Variants in TASP1 observed in about 807,000 individuals in gnomAD.
TASP1 encodes taspase 1, also known as threonine aspartase 1.
A neutral mutation model predicts 56.6 loss-of-function variants in TASP1; 16 were observed. The ratio of observed to expected loss-of-function variants is 0.28; its 90% CI spans 0.19 to 0.43. The LOEUF (loss-of-function observed/expected upper bound fraction) is 0.43. Ranked by LOEUF, TASP1 falls within the 20% of genes least tolerant of loss-of-function variation. The pLI, the probability that TASP1 is intolerant of heterozygous loss-of-function variation, is 1.00. For synonymous variants in TASP1, 179 were observed against 184.2 expected (o/e 0.97, Z 0.23); for missense variants, 393 against 511.6 (o/e 0.77, Z 2.24).
chr20:13,246,560 T>C, the TASP1 span, among the ~76,000 whole-genome samples: 3 of 152,324 alleles, frequency 2.0e-5, no homozygotes, highest in Non-Finnish European at 4.4e-5. Flanking sequence ...TGTCGTGCTT[T>C]CCAAAATGCC....
chr20:13,321,909 T>C, the TASP1 span, among the ~76,000 whole-genome samples: 2 of 152,190 alleles, frequency 1.3e-5, no homozygotes, highest in Non-Finnish European at 2.9e-5. Flanking sequence ...TATGTGACCT[T>C]GAGCAAGGTA....
the TASP1 span, among the ~76,000 whole-genome samples, chr20:13,262,248 C>G: frequency 2.0e-5 from 3 of 152,202 alleles, no homozygotes; most frequent in Non-Finnish European, 4.4e-5. Flanking sequence ...ATGGAAGCCC[C>G]CTGGTGGCCA....
chr20:13,243,336 G>A, the TASP1 span, among the ~76,000 whole-genome samples: 3 of 152,172 alleles, frequency 2.0e-5, no homozygotes, highest in Non-Finnish European at 4.4e-5. Context: ...GCTCAGAAGT[G>A]ACACACATCA....
the TASP1 span, among the ~76,000 whole-genome samples, chr20:13,268,309 T>TC: frequency 6.6e-6 from 1 of 150,758 alleles, no homozygotes; most frequent in South Asian, 2.1e-4. Flanking sequence ...TTCTCTTCTC[T>TC]TTTCTCTTCT....
intron 13 of TASP1, among the ~76,000 whole-genome samples, chr20:13,416,601 T>C (rs2042263416): frequency 6.6e-6 from 1 of 152,178 alleles, no homozygotes; most frequent in African/African-American, 2.4e-5. Context: ...ATATCAGAAG[T>C]TTTCCTATTT....
chr20:13,440,576 AAAT>A (rs150181951), intron 11 of TASP1, among the ~76,000 whole-genome samples: 5,617 of 152,156 alleles, frequency 0.037, 127 homozygotes, highest in African/African-American at 0.057. Flanking sequence ...ATTACCAAAA[AAAT>A]AATAAGACTT....
the TASP1 span, among the ~76,000 whole-genome samples, chr20:13,116,632 G>C: frequency 3.2e-4 from 49 of 152,170 alleles, no homozygotes; most frequent in East Asian, 8.7e-3. Context: ...AGGTTCTATC[G>C]TGTATCTGTC....
At chr20:13,567,167 A>G (rs1471523442) in intron 7 of TASP1, among the ~76,000 whole-genome samples, 3 of 152,176 alleles carry the variant, frequency 2.0e-5, no homozygotes, top group Non-Finnish European at 4.4e-5. Flanking sequence ...GCAAACTAAC[A>G]CAGGAACAAA....
the TASP1 span, among the ~76,000 whole-genome samples, chr20:13,178,236 T>C: frequency 6.6e-6 from 1 of 151,930 alleles, no homozygotes; most frequent in Non-Finnish European, 1.5e-5. Flanking sequence ...ATGACTGTTA[T>C]CAAAAAAACA....
At chr20:13,258,630 T>C in the TASP1 span, among the ~76,000 whole-genome samples, 1 of 152,120 alleles carries the variant, frequency 6.6e-6, no homozygotes, top group African/African-American at 2.4e-5. Flanking sequence ...TGAGAACTTG[T>C]GATTCTCTTT....
At chr20:13,119,982 C>T in the TASP1 span, among the ~76,000 whole-genome samples, 61,916 of 152,010 alleles carry the variant, frequency 0.41, 12,611 homozygotes, top group Admixed American at 0.43. Flanking sequence ...CTTATGTATC[C>T]GTTCCTTTGT....
chr20:13,110,054 G>A, the TASP1 span: 3 of 1,427,078 alleles, frequency 2.1e-6, no homozygotes, highest in Admixed American at 2.2e-5. Flanking sequence ...AAAAGAAAGT[G>A]GAAAAGGAAA....
chr20:13,526,650 C>T (rs1358207161), intron 10 of TASP1, among the ~76,000 whole-genome samples: 1 of 152,092 alleles, frequency 6.6e-6, no homozygotes, highest in East Asian at 1.9e-4. Context: ...AGGCCAATGG[C>T]TCAAAACCAT....
chr20:13,395,558 C>A (rs2041497046), intron 13 of TASP1, among the ~76,000 whole-genome samples: 1 of 152,150 alleles, frequency 6.6e-6, no homozygotes, highest in African/African-American at 2.4e-5. Flanking sequence ...TTAAGCTTCT[C>A]TTCTGTATTT....
chr20:13,134,223 G>A, the TASP1 span, among the ~76,000 whole-genome samples: 31 of 152,144 alleles, frequency 2.0e-4, no homozygotes, highest in Admixed American at 1.1e-3. Context: ...CAGTTATGTC[G>A]TGATGCAGAT....
At chr20:13,320,378 C>T in the TASP1 span, among the ~76,000 whole-genome samples, 1 of 151,988 alleles carries the variant, frequency 6.6e-6, no homozygotes, top group South Asian at 2.1e-4. Flanking sequence ...TCACACTGTG[C>T]TTGCAAACCA....
intron 11 of TASP1, among the ~76,000 whole-genome samples, chr20:13,470,646 C>T (rs2044453957): frequency 6.6e-6 from 1 of 152,146 alleles, no homozygotes; most frequent in African/African-American, 2.4e-5. Context: ...GCAAGGTATA[C>T]ATTTGTGTAC....
chr20:13,244,006 T>C, the TASP1 span: 1 of 152,216 alleles, frequency 6.6e-6, no homozygotes, highest in Non-Finnish European at 1.5e-5. Context: ...GTTTGTCTAT[T>C]ACCACATCTC....
chr20:13,132,483 T>G, the TASP1 span, among the ~76,000 whole-genome samples: 1 of 152,134 alleles, frequency 6.6e-6, no homozygotes, highest in Admixed American at 6.5e-5. Context: ...GCCGCTTTAA[T>G]CTTTACAGCA....
Sources: gnomAD v4.1 joint callset for allele counts (sites outside exome capture counted in the v4.1 genomes callset) on GRCh38, gnomAD v4.1.1 for gene constraint, MANE v1.5 for transcripts, NCBI Gene and HGNC (gene_info 2026-07-23, HGNC 2026-07-21) for gene names.